Variants in GALNT13 observed in about 807,000 individuals in gnomAD.
GALNT13 encodes the protein polypeptide N-acetylgalactosaminyltransferase 13.
In GALNT13, 28 loss-of-function variants were observed where a neutral mutation model predicts 64.2. The ratio of observed to expected loss-of-function variants is 0.44; its 90% confidence interval spans 0.32 to 0.60. The LOEUF (loss-of-function observed/expected upper bound fraction) is 0.60. Ranked by LOEUF, GALNT13 falls within the 20% of genes least tolerant of loss-of-function variation. The pLI is 0.05. For synonymous variants in GALNT13, 214 were observed against 224.6 expected (o/e 0.95, Z 0.42); for missense variants, 577 against 669.8 (o/e 0.86, Z 1.53).
At chr2:153,782,607 A>G in the GALNT13 span, among the ~76,000 whole-genome samples, 1 of 152,168 alleles carries the variant, frequency 6.6e-6, no homozygotes, top group Non-Finnish European at 1.5e-5. Flanking sequence ...AGTTTAATCT[A>G]ACATACCTGA....
At chr2:153,129,373 T>A in the GALNT13 span, among the ~76,000 whole-genome samples, 1 of 152,162 alleles carries the variant, frequency 6.6e-6, no homozygotes, top group Non-Finnish European at 1.5e-5. Context: ...AGCTAGATGA[T>A]TTCTAGAAAC....
the GALNT13 span, among the ~76,000 whole-genome samples, chr2:153,711,032 T>C: frequency 2.6e-5 from 4 of 152,082 alleles, no homozygotes; most frequent in African/African-American, 9.7e-5. Context: ...TAAAAACATT[T>C]GACTTTAAAA....
In GALNT13 at chr2:154,043,415, TATA is replaced by T. The variant is rs1350181831; in HGVS notation, c.143-96921_143-96919del. Among the ~76,000 whole-genome samples the T allele has an allele frequency of 3.2e-3, 266 of 83,616 alleles. 10 individuals are homozygous for T. The highest frequency in any genetic ancestry group is 6.2e-3 in the African/African-American group (119 of 19,220). The allele number at this position is 83,616 out of a possible 152,430, so 54.9% of individuals were successfully genotyped here. On this transcript the variant is annotated intron_variant, in intron 3 of 12. Transcript: ENST00000392825. ...CTGTCAACACTACTATAAGGACTTT[TATA>T]TATATATATATATATATATATATAT...
chr2:153,140,783 T>C, the GALNT13 span, among the ~76,000 whole-genome samples: 2 of 152,072 alleles, frequency 1.3e-5, no homozygotes, highest in Non-Finnish European at 1.5e-5. Flanking sequence ...TTCATTGAAT[T>C]CACCGAAAGA....
chr2:153,365,597 C>T, the GALNT13 span, among the ~76,000 whole-genome samples: 1 of 151,906 alleles, frequency 6.6e-6, no homozygotes, highest in Non-Finnish European at 1.5e-5. Flanking sequence ...ATGAACAGAC[C>T]CTTCTCAAAA....
the GALNT13 span, among the ~76,000 whole-genome samples, chr2:153,365,770 A>C: frequency 2.0e-3 from 311 of 152,304 alleles, 2 homozygotes; most frequent in African/African-American, 6.8e-3. Context: ...CTGTGGAGAA[A>C]TAGGAACACT....
intron 3 of GALNT13, among the ~76,000 whole-genome samples, chr2:154,030,136 A>C (rs1698246573): frequency 1.4e-5 from 2 of 145,696 alleles, no homozygotes; most frequent in South Asian, 4.3e-4. Context: ...AATTAATGAC[A>C]AAGAAATTAA....
the GALNT13 span, among the ~76,000 whole-genome samples, chr2:153,666,101 C>A: frequency 6.6e-6 from 1 of 152,080 alleles, no homozygotes; most frequent in African/African-American, 2.4e-5. Context: ...TGTCCACTTG[C>A]AGTGCAGCCT....
chr2:153,557,321 ATACTC>A, the GALNT13 span, among the ~76,000 whole-genome samples: 1 of 152,204 alleles, frequency 6.6e-6, no homozygotes, highest in African/African-American at 2.4e-5. Flanking sequence ...TTGTGTAACT[ATACTC>A]TATGATGTTT....
chr2:154,365,562 A>G (rs1697320163), intron 9 of GALNT13, among the ~76,000 whole-genome samples: 1 of 152,172 alleles, frequency 6.6e-6, no homozygotes, highest in African/African-American at 2.4e-5. Flanking sequence ...TTAAGATTCA[A>G]TTTGGAAACA....
the GALNT13 span, among the ~76,000 whole-genome samples, chr2:153,090,019 A>T: frequency 6.6e-6 from 1 of 151,866 alleles, no homozygotes; most frequent in Non-Finnish European, 1.5e-5. Flanking sequence ...CTCTTTTTTC[A>T]TATTACCAGA....
chr2:153,588,526 A>G, the GALNT13 span, among the ~76,000 whole-genome samples: 3 of 152,158 alleles, frequency 2.0e-5, no homozygotes, highest in Admixed American at 6.5e-5. Flanking sequence ...CCCAAGCTCT[A>G]CTTTGCCCCT....
At chr2:153,105,360 A>G in the GALNT13 span, among the ~76,000 whole-genome samples, 3 of 152,126 alleles carry the variant, frequency 2.0e-5, no homozygotes, top group Admixed American at 6.6e-5. Flanking sequence ...TTAGGTATTG[A>G]TGGGACGTAT....
chr2:153,623,515 G>A, the GALNT13 span, among the ~76,000 whole-genome samples: 1 of 152,004 alleles, frequency 6.6e-6, no homozygotes, highest in Admixed American at 6.6e-5. Context: ...AGAAGAAACT[G>A]CCTTTATTCT....
intron 9 of GALNT13, among the ~76,000 whole-genome samples, chr2:154,386,306 G>A (rs1431909598): frequency 2.0e-5 from 3 of 152,048 alleles, no homozygotes; most frequent in Non-Finnish European, 4.4e-5. Flanking sequence ...CAGAATAAGG[G>A]AGGAGTAAAG....
the GALNT13 span, among the ~76,000 whole-genome samples, chr2:153,817,288 A>T: frequency 6.6e-6 from 1 of 152,180 alleles, no homozygotes; most frequent in Non-Finnish European, 1.5e-5. Context: ...GCTTGGCCAA[A>T]CTTTAGTCAG....
chr2:153,294,660 A>G, the GALNT13 span, among the ~76,000 whole-genome samples: 1 of 152,278 alleles, frequency 6.6e-6, no homozygotes, highest in South Asian at 2.1e-4. Flanking sequence ...TTTGCAGAAT[A>G]TGAGAGGATA....
chr2:154,415,262 C>T (rs994087476), intron 11 of GALNT13, among the ~76,000 whole-genome samples: 4 of 151,950 alleles, frequency 2.6e-5, no homozygotes, highest in South Asian at 2.1e-4. Context: ...AAATTCAATG[C>T]TGTTTCCCTC....
chr2:153,868,860 A>C (rs1685806066), upstream of GALNT13, among the ~76,000 whole-genome samples: 1 of 152,258 alleles, frequency 6.6e-6, no homozygotes, highest in African/African-American at 2.4e-5. Flanking sequence ...ATTAAAGATA[A>C]ATGCCAAACT....
Sources: gnomAD v4.1 joint callset for allele counts (sites outside exome capture counted in the v4.1 genomes callset) on GRCh38, gnomAD v4.1.1 for gene constraint, MANE v1.5 for transcripts, NCBI Gene and HGNC (gene_info 2026-07-23, HGNC 2026-07-21) for gene names.